YWHAZ: variants seen among roughly 807,000 people sequenced by gnomAD.
YWHAZ encodes the protein 14-3-3 protein zeta/delta.
For synonymous variants in YWHAZ, 87 were observed against 103.6 expected, an observed-to-expected ratio of 0.84 and a Z score of 0.97; for missense variants, 79 against 284.8, an observed-to-expected ratio of 0.28 and a Z score of 5.20.
In YWHAZ at chr8:100,920,427, T is replaced by C; in HGVS notation, c.*266A>G. ...TGAAGCCACAATGTACCAAAAGTAC[T>C]ATGCCAAACACTTATAACTTGTATA... On this transcript the variant is annotated 3_prime_UTR_variant, in exon 6 of 6. Transcript: ENST00000395958. 2.2e-6 allele frequency: 1 copy of C among 455,168 alleles called. No homozygotes were observed. 28.2% of individuals were successfully genotyped at this position (455,168 alleles called of 1,614,324 possible). A position where few individuals can be genotyped will look rare whatever the true frequency, so the allele number is the denominator to read the frequency against.
At chr8:100,938,623 A>C (rs981741899) in intron 2 of YWHAZ, among the ~76,000 whole-genome samples, 2 of 152,216 alleles carry the variant, frequency 1.3e-5, no homozygotes, top group African/African-American at 4.8e-5. Context: ...TAATTTTCCT[A>C]TAATTTTTAT....
At chr8:100,925,850 A>C (rs989861040) in intron 2 of YWHAZ, among the ~76,000 whole-genome samples, 2 of 152,200 alleles carry the variant, frequency 1.3e-5, no homozygotes, top group South Asian at 2.1e-4. Flanking sequence ...GATGGGAAGA[A>C]GTCTCAATAA....
chr8:100,923,163 G>C (rs1322810729), intron 5 of YWHAZ: 1 of 152,128 alleles, frequency 6.6e-6, no homozygotes, highest in Non-Finnish European at 1.5e-5. Context: ...GGCCCTAGAA[G>C]TCTAACAAAA....
intron 2 of YWHAZ, among the ~76,000 whole-genome samples, chr8:100,934,345 G>A (rs1413074350): frequency 6.7e-6 from 1 of 149,164 alleles, no homozygotes; most frequent in Non-Finnish European, 1.5e-5. Context: ...TTTTTAAAAG[G>A]AGGGTCTGGC....
intron 2 of YWHAZ, among the ~76,000 whole-genome samples, chr8:100,938,379 A>G (rs1408385991): frequency 6.6e-6 from 1 of 152,242 alleles, no homozygotes; most frequent in Non-Finnish European, 1.5e-5. Flanking sequence ...GCTAGATCAG[A>G]TGTCCCTTTA....
chr8:100,951,485 C>G (rs1563695120), intron 1 of YWHAZ: 1 of 985,864 alleles, frequency 1.0e-6, no homozygotes, highest in Non-Finnish European at 1.2e-6. Flanking sequence ...GCCGCCGCCG[C>G]CGCCGAGTCA....
rs1393647769 is a variant in YWHAZ at position 100,924,602 on chromosome 8, G to T, written c.419-304C>A. Among the ~76,000 whole-genome samples the T allele has an allele frequency of 6.6e-6, 1 of 152,046 alleles. No individual in the cohort carries two copies. Among genetic ancestry groups the T allele is most frequent in the Non-Finnish European group, 1.5e-5 (1 of 68,006 alleles). On this transcript the variant is annotated intron_variant, in intron 3 of 5. Coordinates refer to ENST00000395958, the MANE Select transcript of YWHAZ (RefSeq NM_145690.3). The surrounding 1 kb of genome is among the most constrained non-coding windows in gnomAD (Gnocchi z 5.7). The stretch of plus-strand genomic sequence containing the variant: ...CCACCTCAGCCTCCAGATTAGCTGG[G>T]ACCAAAGGCTTGCACCACCATGCCC...
chr8:100,948,059 TGA>T lies in YWHAZ; in HGVS notation c.294+535_294+536del. On this transcript the variant is annotated intron_variant, in intron 2 of 5. Transcript: ENST00000395958. This position sits in a 1 kb window ranked among gnomAD's most constrained non-coding sequence, Gnocchi z 4.2. ...TGTTCATAACCTTTCATCATGGTTG[TGA>T]GTGTTCAAAATTTACCTTCAAGAAT... 1 of 1,522,400 alleles carries T rather than the reference TGA, an allele frequency of 6.6e-7. No homozygotes were observed. Among genetic ancestry groups the T allele is most frequent in the Non-Finnish European group, 8.8e-7 (1 of 1,137,078 alleles). 94.3% of individuals were successfully genotyped at this position (1,522,400 alleles called of 1,614,324 possible).
chr8:100,931,021 C>T (rs544674099), intron 2 of YWHAZ, among the ~76,000 whole-genome samples: 1 of 152,230 alleles, frequency 6.6e-6, no homozygotes, highest in Admixed American at 6.5e-5. Flanking sequence ...AATCCTTAAC[C>T]TAACCAACAG....
chr8:100,940,672 T>C (rs1314827358), intron 2 of YWHAZ, among the ~76,000 whole-genome samples: 3 of 152,224 alleles, frequency 2.0e-5, no homozygotes, highest in African/African-American at 7.2e-5. Context: ...AGCAGTGTAT[T>C]TGCTATTTAA....
In YWHAZ at chr8:100,919,941, T is replaced by A. The variant is rs1586075449; in HGVS notation, c.*752A>T. ...TACATGGGTTTTTGTTTTACTGCTG[T>A]GCTTGATATACATGAAGTAATGAAT... On this transcript the variant is annotated 3_prime_UTR_variant, in exon 6 of 6. Coordinates refer to ENST00000395958, the MANE Select transcript of YWHAZ (RefSeq NM_145690.3). The A allele has an allele frequency of 2.6e-5, 4 of 152,724 alleles. No individual in the cohort carries two copies. The highest frequency in any genetic ancestry group is 9.6e-5 in the African/African-American group (4 of 41,570). The allele number at this position is 152,724 out of a possible 1,614,324, so 9.5% of individuals were successfully genotyped here. A position where few individuals can be genotyped will look rare whatever the true frequency, so the allele number is the denominator to read the frequency against.
chr8:100,950,551 T>C (rs905597651), intron 1 of YWHAZ: 6 of 985,406 alleles, frequency 6.1e-6, no homozygotes, highest in Non-Finnish European at 7.2e-6. Flanking sequence ...CTCTCCTCCT[T>C]TGTCATGGCG....
intron 2 of YWHAZ, among the ~76,000 whole-genome samples, chr8:100,935,425 A>T (rs917807823): frequency 5.9e-5 from 9 of 152,216 alleles, no homozygotes; most frequent in African/African-American, 2.2e-4. Flanking sequence ...CAAATTCCTA[A>T]ATAGTTAAGA....
At chr8:100,944,132 G>A (rs891216123) in intron 2 of YWHAZ, among the ~76,000 whole-genome samples, 7 of 152,000 alleles carry the variant, frequency 4.6e-5, no homozygotes, top group Non-Finnish European at 8.8e-5. Context: ...TTAATAAAAT[G>A]AAATAGTAAC....
In YWHAZ at chr8:100,934,612, A is replaced by C. The variant is rs1050448238; in HGVS notation, c.295-9573T>G. ...GCTACTCAGGAGACTGAGACAGAAG[A>C]ATCACTTGAACCCAGGAGGCAGAGG... On this transcript the variant is annotated intron_variant, in intron 2 of 5. Transcript: ENST00000395958. Among the ~76,000 whole-genome samples the C allele has an allele frequency of 6.6e-5, 10 of 152,124 alleles. No individual in the cohort carries two copies. The East Asian group carries it at 1.7e-3, about 27-fold the overall frequency.
At chr8:100,941,522 C>T (rs552350046) in intron 2 of YWHAZ, among the ~76,000 whole-genome samples, 5 of 152,272 alleles carry the variant, frequency 3.3e-5, no homozygotes, top group East Asian at 1.9e-4. Context: ...TGGTGGCTCA[C>T]GACTGTAATC....
intron 2 of YWHAZ, among the ~76,000 whole-genome samples, chr8:100,938,370 C>A (rs1433607988): frequency 1.3e-5 from 2 of 152,120 alleles, no homozygotes; most frequent in African/African-American, 4.8e-5. Context: ...AATAAAAAGG[C>A]TAGATCAGAT....
At chr8:100,931,806 T>G (rs989409680) in intron 2 of YWHAZ, among the ~76,000 whole-genome samples, 6 of 152,134 alleles carry the variant, frequency 3.9e-5, no homozygotes, top group East Asian at 1.9e-4. Flanking sequence ...CTTGTACTCT[T>G]AAGTACATCA....
chr8:100,930,663 AT>A (rs904812068), intron 2 of YWHAZ, among the ~76,000 whole-genome samples: 3 of 152,006 alleles, frequency 2.0e-5, no homozygotes, highest in African/African-American at 4.8e-5. Context: ...CCTCCCATTA[AT>A]TTTTTTAATT....
Sources: gnomAD v4.1 joint callset for allele counts (sites outside exome capture counted in the v4.1 genomes callset) on GRCh38, gnomAD v4.1.1 for gene constraint, Gnocchi (gnomAD v3.1) non-coding constraint, MANE v1.5 for transcripts, NCBI Gene and HGNC (gene_info 2026-07-23, HGNC 2026-07-21) for gene names.